The following RBFOX1 variants were observed in gnomAD, a reference collection of about 807,000 sequenced individuals.
The protein encoded by RBFOX1 is RNA binding fox-1 homolog 1.
In RBFOX1, 8 loss-of-function variants were observed where a neutral mutation model predicts 57.7. That is an observed-to-expected ratio of 0.14 (90% CI 0.08 to 0.25). The LOEUF (loss-of-function observed/expected upper bound fraction) is 0.25, where lower values mean the gene tolerates loss of function less well. Among genes scored for constraint, RBFOX1 ranks in the 10% least tolerant of loss-of-function variants. The pLI is 1.00. For missense variants in RBFOX1, 611 were observed against 548.5 expected (o/e 1.11, Z -1.14); for synonymous variants, 326 against 222.4 (o/e 1.47, Z -4.15).
intron 2 of RBFOX1, among the ~76,000 whole-genome samples, chr16:6,346,329 T>C (rs1320723264): frequency 6.6e-6 from 1 of 152,218 alleles, no homozygotes; most frequent in Non-Finnish European, 1.5e-5. Flanking sequence ...AGGATGCCTC[T>C]GTGACTGAGT....
chr16:7,454,189 T>C (rs781773870), intron 4 of RBFOX1, among the ~76,000 whole-genome samples: 1 of 152,146 alleles, frequency 6.6e-6, no homozygotes, highest in Non-Finnish European at 1.5e-5. Context: ...GCCGAAATCA[T>C]GCCACGGCAC....
chr16:6,784,374 C>G (rs1043680567), intron 3 of RBFOX1, among the ~76,000 whole-genome samples: 3 of 152,080 alleles, frequency 2.0e-5, no homozygotes, highest in Non-Finnish European at 4.4e-5. Flanking sequence ...ATTCTTTCTT[C>G]TGCTTCACCA....
intron 3 of RBFOX1, among the ~76,000 whole-genome samples, chr16:6,840,332 A>C (rs549996606): frequency 2.0e-5 from 3 of 152,338 alleles, no homozygotes; most frequent in Admixed American, 6.5e-5. Context: ...GGCCGCCTCT[A>C]ACATTCATTC....
chr16:7,362,756 G>A (rs955357151), intron 4 of RBFOX1, among the ~76,000 whole-genome samples: 3 of 152,096 alleles, frequency 2.0e-5, no homozygotes, highest in Admixed American at 6.6e-5. Context: ...GTGTATGTTA[G>A]TGTATGTTTC....
intron 14 of RBFOX1, among the ~76,000 whole-genome samples, chr16:7,708,198 C>A (rs2148537092): frequency 6.6e-6 from 1 of 152,082 alleles, no homozygotes; most frequent in East Asian, 1.9e-4. Flanking sequence ...TCAAGATCTG[C>A]CCTGTCTAGT....
chr16:6,458,597 G>C (rs1467534846), intron 2 of RBFOX1, among the ~76,000 whole-genome samples: 1 of 152,180 alleles, frequency 6.6e-6, no homozygotes, highest in Non-Finnish European at 1.5e-5. Context: ...GAGAATAACT[G>C]ACATCCAGTA....
chr16:5,455,392 C>A (rs929285711), intron 1 of RBFOX1, among the ~76,000 whole-genome samples: 8 of 152,098 alleles, frequency 5.3e-5, no homozygotes, highest in African/African-American at 1.9e-4. Context: ...ATGCCATACT[C>A]TGCTGGTTGA....
At chr16:5,397,310 C>T (rs915788061) in intron 1 of RBFOX1, among the ~76,000 whole-genome samples, 4 of 144,572 alleles carry the variant, frequency 2.8e-5, no homozygotes, top group Non-Finnish European at 4.4e-5. Context: ...GGAGTGGCAG[C>T]CCCTCTGGGT....
intron 4 of RBFOX1, among the ~76,000 whole-genome samples, chr16:7,316,881 A>G (rs73559879): frequency 0.021 from 3,227 of 151,836 alleles, 66 homozygotes; most frequent in African/African-American, 0.051. Context: ...GGGTAAAGAG[A>G]CACATAAGGG....
chr16:6,237,309 C>G (rs1000840245), intron 1 of RBFOX1, among the ~76,000 whole-genome samples: 1 of 152,088 alleles, frequency 6.6e-6, no homozygotes, highest in Non-Finnish European at 1.5e-5. Flanking sequence ...CCTACTTTTC[C>G]CTGTGGAAGA....
At chr16:7,303,182 T>C (rs1174876658) in intron 4 of RBFOX1, among the ~76,000 whole-genome samples, 1 of 152,080 alleles carries the variant, frequency 6.6e-6, no homozygotes, top group Non-Finnish European at 1.5e-5. Flanking sequence ...GCTGGTTCGC[T>C]GGCTCGGGGC....
At chr16:5,261,549 GTTT>G (rs4047465) in intron 1 of RBFOX1, among the ~76,000 whole-genome samples, 3 of 120,486 alleles carry the variant, frequency 2.5e-5, no homozygotes, top group Non-Finnish European at 1.7e-5. Flanking sequence ...TGTGTGTATG[GTTT>G]TTTTTTTTTT....
chr16:6,299,354 C>T (rs890590467), intron 1 of RBFOX1, among the ~76,000 whole-genome samples: 24 of 152,280 alleles, frequency 1.6e-4, no homozygotes, highest in African/African-American at 5.5e-4. Flanking sequence ...AGATCTAATT[C>T]TTTTAAATTC....
intron 3 of RBFOX1, among the ~76,000 whole-genome samples, chr16:7,012,201 G>A (rs906382238): frequency 2.6e-5 from 4 of 152,084 alleles, no homozygotes; most frequent in East Asian, 1.9e-4. Context: ...GAGCTCTTGC[G>A]GGTGTTTTTG....
rs116288793 is a variant in RBFOX1, at chr16:5,832,619, C to G, written c.319-34684C>G. On this transcript the variant is annotated intron_variant, in intron 3 of 19. Transcript: ENST00000641259. Reference sequence around the variant, plus strand: ...CTGCAATTACACCTATTTGATGTCTCTCCCAAGAGCCTGTAAGTTCCCTGA... The same window carrying G: ...CTGCAATTACACCTATTTGATGTCTGTCCCAAGAGCCTGTAAGTTCCCTGA... Among the ~76,000 whole-genome samples the G allele has an allele frequency of 2.2e-3, 340 of 152,352 alleles. 4 individuals carry two copies. Among genetic ancestry groups the G allele is most frequent in the African/African-American group, 8.1e-3 (335 of 41,582 alleles).
intron 4 of RBFOX1, among the ~76,000 whole-genome samples, chr16:7,337,910 C>G (rs1055016232): frequency 6.6e-6 from 1 of 152,196 alleles, no homozygotes; most frequent in Non-Finnish European, 1.5e-5. Flanking sequence ...ATCTTGAACT[C>G]TTGACCTCAT....
chr16:6,817,270 C>T (rs927951393), intron 3 of RBFOX1, among the ~76,000 whole-genome samples: 2 of 152,090 alleles, frequency 1.3e-5, no homozygotes, highest in African/African-American at 2.4e-5. Context: ...TACTTCTGAC[C>T]ACCTTAATGT....
At chr16:5,870,478 G>GT (rs1361232611) in intron 4 of RBFOX1, among the ~76,000 whole-genome samples, 1 of 151,996 alleles carries the variant, frequency 6.6e-6, no homozygotes, top group Non-Finnish European at 1.5e-5. Flanking sequence ...GATGGTCATG[G>GT]TGGGGGTAAG....
At chr16:6,253,354 C>G (rs754131724) in intron 1 of RBFOX1, among the ~76,000 whole-genome samples, 2 of 152,172 alleles carry the variant, frequency 1.3e-5, no homozygotes, top group Non-Finnish European at 2.9e-5. Flanking sequence ...TTGACACAAG[C>G]TGTGGGCTAC....
Sources: gnomAD v4.1 joint callset for allele counts (sites outside exome capture counted in the v4.1 genomes callset) on GRCh38, gnomAD v4.1.1 for gene constraint, MANE v1.5 for transcripts, NCBI Gene and HGNC (gene_info 2026-07-23, HGNC 2026-07-21) for gene names.